The following DCUN1D4 variants were observed in gnomAD, a reference collection of about 807,000 sequenced individuals.
The protein encoded by DCUN1D4 is DCN1-like protein 4.
Under a neutral mutation model 47.9 loss-of-function variants are expected in DCUN1D4, and 22 were observed. The observed-to-expected ratio is 0.46, with a 90% confidence interval of 0.33 to 0.66. DCUN1D4 has a LOEUF of 0.66. DCUN1D4 is among the 30% of genes least tolerant of loss of function. The pLI, the probability that DCUN1D4 is intolerant of heterozygous loss-of-function variation, is 0.02. For synonymous variants in DCUN1D4, 121 were observed against 112.2 expected, an observed-to-expected ratio of 1.08 and a Z score of -0.50; for missense variants, 301 against 340.8, an observed-to-expected ratio of 0.88 and a Z score of 0.92.
chr4:51,905,473 A>G (rs1050099526), intron 8 of DCUN1D4, among the ~76,000 whole-genome samples: 1 of 152,226 alleles, frequency 6.6e-6, no homozygotes, highest in Non-Finnish European at 1.5e-5. Context: ...ATTTTTATGC[A>G]TAGGGTTTTT....
chr4:51,899,339 C>T lies in DCUN1D4; in HGVS notation c.576C>T (p.Asn192=), dbSNP rs1412143239. The T allele has an allele frequency of 6.2e-7, 1 of 1,608,772 alleles. No individual in the cohort carries two copies. Among genetic ancestry groups the T allele is most frequent in the East Asian group, 2.2e-5 (1 of 44,672 alleles). The part of the protein sequence containing the change: ...YLRSFLNDST[N]FKLIYRYAFD... ...GATCATTCTTAAATGATTCTACAAA[C>T]TTTAAACTTATTTACAGATATGCGT... The change falls in exon 8 of 11, where the codon AAC becomes AAT. Residue 192 remains asparagine, a synonymous_variant. Coordinates refer to ENST00000334635, the MANE Select transcript of DCUN1D4 (RefSeq NM_001040402.3).
At chr4:51,880,427 G>A (rs1055529027) in intron 5 of DCUN1D4, among the ~76,000 whole-genome samples, 10 of 152,066 alleles carry the variant, frequency 6.6e-5, no homozygotes, top group South Asian at 2.1e-4. Flanking sequence ...GAGGGGCAGC[G>A]GGGGCCTGGT....
chr4:51,838,642 G>A (rs916972017), upstream of DCUN1D4, among the ~76,000 whole-genome samples: 1 of 152,092 alleles, frequency 6.6e-6, no homozygotes, highest in Admixed American at 6.5e-5. Context: ...CTCAGCCTCC[G>A]AAAGTGCTGG....
intron 3 of DCUN1D4, among the ~76,000 whole-genome samples, chr4:51,870,961 T>C (rs943982543): frequency 4.6e-5 from 7 of 152,052 alleles, no homozygotes; most frequent in African/African-American, 1.2e-4. Context: ...TTCCCTTCCC[T>C]TGCCTGGATC....
At chr4:51,892,754 A>C (rs568810064) in intron 7 of DCUN1D4, among the ~76,000 whole-genome samples, 1 of 152,248 alleles carries the variant, frequency 6.6e-6, no homozygotes, top group African/African-American at 2.4e-5. Flanking sequence ...CTTGAAAGAT[A>C]CAGTTGAAGT....
At chr4:51,843,448 G>C in intron 1 of DCUN1D4, 181 bp downstream of exon 1, 2 of 1,249,584 alleles carry the variant, frequency 1.6e-6, no homozygotes, top group South Asian at 2.2e-5. Flanking sequence ...GGCGTGGGGC[G>C]GGGGCGGGCG....
intron 1 of DCUN1D4, among the ~76,000 whole-genome samples, chr4:51,846,409 C>T (rs893679206): frequency 3.3e-5 from 5 of 152,190 alleles, no homozygotes; most frequent in African/African-American, 1.2e-4. Context: ...TCTCTTCTTC[C>T]TCTGTTGTTA....
chr4:51,861,432 T>C (rs1343777076), intron 1 of DCUN1D4, among the ~76,000 whole-genome samples: 3 of 152,150 alleles, frequency 2.0e-5, no homozygotes, highest in African/African-American at 7.2e-5. Flanking sequence ...GGATAACTTG[T>C]GTTTCTTGTC....
chr4:51,835,617 T>C, the DCUN1D4 span, among the ~76,000 whole-genome samples: 1 of 152,086 alleles, frequency 6.6e-6, no homozygotes, highest in Non-Finnish European at 1.5e-5. Context: ...GCTGGACTTG[T>C]AGGCTAAGAC....
chr4:51,868,319 G>A (rs1195529974), intron 3 of DCUN1D4, among the ~76,000 whole-genome samples: 1 of 152,212 alleles, frequency 6.6e-6, no homozygotes, highest in Non-Finnish European at 1.5e-5. Flanking sequence ...TCCGTGGAGT[G>A]TGCAGCCCCT....
chr4:51,906,429 C>T (rs17577020), intron 8 of DCUN1D4, among the ~76,000 whole-genome samples: 8,697 of 152,280 alleles, frequency 0.057, 368 homozygotes, highest in Non-Finnish European at 0.092. Flanking sequence ...TGAAGCTTAA[C>T]CTAAATCTCC....
upstream of DCUN1D4, among the ~76,000 whole-genome samples, chr4:51,838,272 A>G (rs560482163): frequency 6.6e-6 from 1 of 152,338 alleles, no homozygotes; most frequent in East Asian, 1.9e-4. Context: ...ATAAGAATTT[A>G]GTAACCTGGA....
At position 51,886,553 on chromosome 4, in the gene DCUN1D4, G is replaced by C; in HGVS notation, c.344-15G>C. ...GCATGGTCAGATTTAATTTACATAA[G>C]ACTGTATTTCACAGGAACTGATGAT... On this transcript the variant is annotated splice_polypyrimidine_tract_variant and intron_variant, in intron 5 of 10. Transcript: ENST00000334635. The C allele has an allele frequency of 6.2e-7, 1 of 1,611,918 alleles. No individual in the cohort carries two copies. Among genetic ancestry groups the C allele is most frequent in the Non-Finnish European group, 8.5e-7 (1 of 1,178,282 alleles).
intron 1 of DCUN1D4, 92 bp from the exon 2 acceptor site, chr4:51,863,345 A>T: frequency 9.6e-7 from 1 of 1,040,132 alleles, no homozygotes; most frequent in African/African-American, 1.6e-5. Flanking sequence ...GATAGTATTT[A>T]ATTATATCAA....
At chr4:51,913,067 C>A (rs770599539) in intron 9 of DCUN1D4, among the ~76,000 whole-genome samples, 2 of 152,044 alleles carry the variant, frequency 1.3e-5, no homozygotes, top group Non-Finnish European at 2.9e-5. Flanking sequence ...GATGTGCTTT[C>A]CATTTTGTAT....
chr4:51,883,074 T>C (rs1333720633), intron 5 of DCUN1D4, among the ~76,000 whole-genome samples: 1 of 152,218 alleles, frequency 6.6e-6, no homozygotes, highest in African/African-American at 2.4e-5. Context: ...CACACATATG[T>C]ACACTTACAA....
chr4:51,893,999 T>A (rs1453980230), intron 7 of DCUN1D4, among the ~76,000 whole-genome samples: 1 of 152,182 alleles, frequency 6.6e-6, no homozygotes, highest in East Asian at 1.9e-4. Flanking sequence ...AGCAATTTCC[T>A]GGAAGAGGTC....
intron 3 of DCUN1D4, among the ~76,000 whole-genome samples, chr4:51,866,329 C>T (rs1725893436): frequency 6.6e-6 from 1 of 152,048 alleles, no homozygotes; most frequent in South Asian, 2.1e-4. Flanking sequence ...ACTAGTAGTC[C>T]ACGTTTGACT....
chr4:51,853,411 A>G (rs953640893), intron 1 of DCUN1D4, among the ~76,000 whole-genome samples: 3 of 152,166 alleles, frequency 2.0e-5, no homozygotes, highest in African/African-American at 7.2e-5. Context: ...CTCACCTGCT[A>G]CTTTCAATTC....
Sources: allele counts gnomAD v4.1 joint callset (sites outside exome capture counted in the v4.1 genomes callset), GRCh38; gene constraint gnomAD v4.1.1; transcripts MANE v1.5; gene names NCBI Gene and HGNC (gene_info 2026-07-23, HGNC 2026-07-21).